The following NCALD variants were observed in gnomAD, a reference collection of about 807,000 sequenced individuals.
The protein encoded by NCALD is neurocalcin-delta.
In NCALD, 10 loss-of-function variants were observed where a neutral mutation model predicts 18.6. The observed-to-expected ratio is 0.54, with a 90% CI of 0.33 to 0.91. The LOEUF is 0.91. Ranked by LOEUF, NCALD falls within the 40% of genes least tolerant of loss-of-function variation. NCALD has a pLI of 0.03. For missense variants in NCALD, 184 were observed against 247.6 expected (o/e 0.74, Z 1.72); for synonymous variants, 88 against 87.4 (o/e 1.01, Z -0.04).
chr8:102,017,923 T>C (rs1822143792), intron 2 of NCALD, among the ~76,000 whole-genome samples: 2 of 152,196 alleles, frequency 1.3e-5, no homozygotes, highest in Non-Finnish European at 2.9e-5. Context: ...AATTTTTAAA[T>C]GGGTGAATGA....
chr8:101,914,135 A>G (rs1563891462), intron 3 of NCALD, among the ~76,000 whole-genome samples: 2 of 152,178 alleles, frequency 1.3e-5, no homozygotes, highest in Non-Finnish European at 2.9e-5. Context: ...CCCACATTAC[A>G]TTGAGTCATC....
At chr8:101,989,820 CCCTCTCGTT>C (rs1277764808) in intron 2 of NCALD, among the ~76,000 whole-genome samples, 8 of 152,172 alleles carry the variant, frequency 5.3e-5, no homozygotes, top group African/African-American at 1.9e-4. Flanking sequence ...TGGTCCTAGG[CCCTCTCGTT>C]CTCCTGGTTA....
At chr8:101,898,441 A>G (rs1319943682) in intron 3 of NCALD, among the ~76,000 whole-genome samples, 1 of 152,026 alleles carries the variant, frequency 6.6e-6, no homozygotes, top group Non-Finnish European at 1.5e-5. Flanking sequence ...TTTTGCAAAC[A>G]TTTTCTCCTA....
chr8:101,981,600 A>G (rs1820620532), intron 2 of NCALD, among the ~76,000 whole-genome samples: 1 of 152,238 alleles, frequency 6.6e-6, no homozygotes, highest in African/African-American at 2.4e-5. Flanking sequence ...CCCAAAGGTT[A>G]CTTTTGTGAA....
intron 1 of NCALD, among the ~76,000 whole-genome samples, chr8:102,096,636 T>A (rs536446395): frequency 6.6e-6 from 1 of 151,348 alleles, no homozygotes; most frequent in African/African-American, 2.4e-5. Context: ...AGCCTCTGGT[T>A]GATTGCTTTC....
At chr8:101,978,781 TC>T (rs1386445598) in intron 2 of NCALD, among the ~76,000 whole-genome samples, 1 of 151,992 alleles carries the variant, frequency 6.6e-6, no homozygotes, top group Non-Finnish European at 1.5e-5. Flanking sequence ...AAGTAGGAGA[TC>T]AACAAATGTG....
chr8:101,938,544 G>C (rs1818843806), intron 2 of NCALD, among the ~76,000 whole-genome samples: 1 of 152,162 alleles, frequency 6.6e-6, no homozygotes, highest in African/African-American at 2.4e-5. Context: ...CATATATCGG[G>C]ATAATAATGC....
intron 1 of NCALD, among the ~76,000 whole-genome samples, chr8:101,723,158 T>G (rs1470099053): frequency 1.3e-5 from 2 of 152,188 alleles, no homozygotes; most frequent in Non-Finnish European, 2.9e-5. Flanking sequence ...GAGACAAAAA[T>G]TGCACCTTGG....
chr8:101,809,093 T>C (rs1316944758), intron 4 of NCALD, among the ~76,000 whole-genome samples: 1 of 152,098 alleles, frequency 6.6e-6, no homozygotes, highest in African/African-American at 2.4e-5. Flanking sequence ...AAGAAGAAAA[T>C]AGAAGTGCGT....
At chr8:102,095,762 C>T (rs984831987) in intron 1 of NCALD, among the ~76,000 whole-genome samples, 1 of 152,158 alleles carries the variant, frequency 6.6e-6, no homozygotes, top group African/African-American at 2.4e-5. Context: ...ATTTGGCTTA[C>T]CTCATGGTGG....
chr8:102,028,180 A>G (rs1043712537), intron 1 of NCALD, among the ~76,000 whole-genome samples: 6 of 152,196 alleles, frequency 3.9e-5, no homozygotes, highest in African/African-American at 1.2e-4. Context: ...TGATATCCTC[A>G]GTCTATATTC....
intron 2 of NCALD, among the ~76,000 whole-genome samples, chr8:101,718,876 T>C (rs536765607): frequency 1.3e-5 from 2 of 152,374 alleles, no homozygotes; most frequent in East Asian, 3.9e-4. Context: ...CTATTTTCTC[T>C]GAAGCCTGCT....
intron 4 of NCALD, among the ~76,000 whole-genome samples, chr8:101,849,156 G>T (rs1466358088): frequency 6.6e-6 from 1 of 152,154 alleles, no homozygotes; most frequent in Non-Finnish European, 1.5e-5. Context: ...GCTGAATGAT[G>T]AGAACACATG....
chr8:101,938,463 T>A (rs939280592), intron 2 of NCALD, among the ~76,000 whole-genome samples: 1 of 152,196 alleles, frequency 6.6e-6, no homozygotes, highest in South Asian at 2.1e-4. Flanking sequence ...CCAGAGCTCT[T>A]AACAATTATG....
chr8:101,708,654 C>CA (rs60406193), intron 2 of NCALD, among the ~76,000 whole-genome samples: 3,925 of 152,236 alleles, frequency 0.026, 130 homozygotes, highest in African/African-American at 0.078. Flanking sequence ...AGCTGCAATC[C>CA]ACAAATCCGG....
At chr8:102,089,168 G>A (rs567336811) in intron 1 of NCALD, among the ~76,000 whole-genome samples, 4 of 152,308 alleles carry the variant, frequency 2.6e-5, no homozygotes, top group African/African-American at 9.6e-5. Flanking sequence ...GCCAAGGTGG[G>A]TGGATCACAA....
At chr8:102,080,209 C>T (rs751394210) in intron 1 of NCALD, among the ~76,000 whole-genome samples, 5 of 152,174 alleles carry the variant, frequency 3.3e-5, no homozygotes, top group Admixed American at 1.3e-4. Flanking sequence ...TTTGCTATTT[C>T]GACTTCTCAC....
At chr8:102,115,921 A>C (rs1825768227) in intron 1 of NCALD, among the ~76,000 whole-genome samples, 1 of 152,054 alleles carries the variant, frequency 6.6e-6, no homozygotes, top group Non-Finnish European at 1.5e-5. Flanking sequence ...TAGCTGAGAC[A>C]GGGATCAAAC....
At chr8:101,976,943 G>A (rs10090732) in intron 2 of NCALD, among the ~76,000 whole-genome samples, 23,778 of 152,090 alleles carry the variant, frequency 0.16, 2,667 homozygotes, top group African/African-American at 0.31. Context: ...AGGAAGTGGG[G>A]GCCAGGGACA....
Sources: gnomAD v4.1 joint callset for allele counts (sites outside exome capture counted in the v4.1 genomes callset) on GRCh38, gnomAD v4.1.1 for gene constraint, MANE v1.5 for transcripts, NCBI Gene and HGNC (gene_info 2026-07-23, HGNC 2026-07-21) for gene names.